Variants in PGS1 observed in about 807,000 individuals in gnomAD.
PGS1 encodes phosphatidylglycerophosphate synthase 1, also known as CDP-diacylglycerol--glycerol-3-phosphate 3-phosphatidyltransferase, mitochondrial.
In PGS1, 44 loss-of-function variants were observed where a neutral mutation model predicts 58.3. The observed-to-expected ratio is 0.75, with a 90% CI of 0.59 to 0.97. PGS1 has a LOEUF of 0.97. Among genes scored for constraint, PGS1 ranks in the 50% least tolerant of loss-of-function variants. The pLI, the probability that PGS1 is intolerant of heterozygous loss-of-function variation, is 0.00. For synonymous variants in PGS1, 330 were observed against 311.0 expected (o/e 1.06, Z -0.64); for missense variants, 684 against 731.1 (o/e 0.94, Z 0.74).
intron 1 of PGS1, among the ~76,000 whole-genome samples, chr17:78,379,014 A>G (rs4490057): frequency 0.43 from 64,695 of 151,908 alleles, 15,065 homozygotes; most frequent in Admixed American, 0.52. Context: ...CTCGTGCTCC[A>G]TTATCGGCCG....
At chr17:78,410,257 C>A (rs921026544) in intron 7 of PGS1, among the ~76,000 whole-genome samples, 2 of 151,852 alleles carry the variant, frequency 1.3e-5, no homozygotes, top group African/African-American at 4.8e-5. Flanking sequence ...GGTGAAACCC[C>A]GTCTCTACTA....
At position 78,403,907 on chromosome 17, in the gene PGS1, A is replaced by G. The variant is rs764621142; in HGVS notation, c.1220A>G (p.Gln407Arg). The part of the protein sequence containing the change: ...DLVLGTRAEY[Q>R]ILLASPEVNG... ...GTCTTGGGCACTCGGGCTGAGTACC[A>G]GATCCTGCTGGCCTCACCAGAGGTG... The change falls in exon 7 of 10, where the codon CAG becomes CGG. Residue 407 changes from glutamine (Q) to arginine (R), a missense_variant. By Grantham distance (43) the Gln-to-Arg change is conservative (BLOSUM62 1). Transcript: ENST00000262764. 63 of 1,614,064 alleles carry G rather than the reference A, an allele frequency of 3.9e-5. No homozygotes were observed. Among genetic ancestry groups the G allele is most frequent in the African/African-American group, 1.5e-4 (11 of 74,950 alleles).
At chr17:78,423,619 G>A in intron 9 of PGS1, 2 of 394,708 alleles carry the variant, frequency 5.1e-6, no homozygotes, top group South Asian at 3.5e-5. Context: ...GCCTCTGGCT[G>A]CTGGGAATTG....
intron 9 of PGS1, among the ~76,000 whole-genome samples, chr17:78,422,350 G>A (rs1339348205): frequency 2.6e-5 from 4 of 152,108 alleles, no homozygotes; most frequent in Admixed American, 2.0e-4. Context: ...CCTACTGGGC[G>A]CTAAGATTGT....
rs116446606 is a variant in PGS1 at position 78,423,887 on chromosome 17, G to C, written c.*11-174G>C. On this transcript the variant is annotated intron_variant, in intron 9 of 9. Coordinates refer to ENST00000262764, the MANE Select transcript of PGS1 (RefSeq NM_024419.5). The stretch of plus-strand genomic sequence containing the variant: ...TGTGGTCCAGCCCCAGGGAGTGTGG[G>C]CTGTGAGGCAGGAGCGAGCTAAACC... The C allele has an allele frequency of 6.0e-4, 967 of 1,613,258 alleles. 6 individuals are homozygous for C. In the African/African-American group the frequency reaches 0.011, roughly 19 times the overall value.
Position 78,400,659 on chromosome 17 carries a change from C to T in PGS1, c.702-18C>T, listed in dbSNP as rs1366453730. 1 of 1,612,538 alleles carries T rather than the reference C, an allele frequency of 6.2e-7. No homozygotes were observed. The highest frequency in any genetic ancestry group is 1.7e-5 in the Admixed American group (1 of 59,978). On this transcript the variant is annotated intron_variant, in intron 5 of 9. Coordinates refer to ENST00000262764, the MANE Select transcript of PGS1 (RefSeq NM_024419.5). This position sits in a 1 kb window ranked among gnomAD's most constrained non-coding sequence, Gnocchi z 4.4. ...CCCTTGCCTGAGTCCTCCTCACCTG[C>T]ATCTTCCCTCCCTGTAGTGCAAACC...
At chr17:78,410,859 A>G (rs2084622586) in intron 7 of PGS1, among the ~76,000 whole-genome samples, 1 of 152,104 alleles carries the variant, frequency 6.6e-6, no homozygotes, top group East Asian at 1.9e-4. Context: ...ACAGATATCT[A>G]ACAAATACCA....
chr17:78,406,222 G>A (rs1249645712), intron 7 of PGS1, among the ~76,000 whole-genome samples: 1 of 152,156 alleles, frequency 6.6e-6, no homozygotes, highest in Non-Finnish European at 1.5e-5. Context: ...GGAGGCTGAG[G>A]CAGGAGAATG....
chr17:78,405,534 G>A (rs182276387), intron 7 of PGS1, among the ~76,000 whole-genome samples: 52 of 152,282 alleles, frequency 3.4e-4, no homozygotes, highest in African/African-American at 1.2e-3. Context: ...GGCATCTGGC[G>A]GAGCAGCCGA....
intron 6 of PGS1, among the ~76,000 whole-genome samples, chr17:78,403,327 G>A (rs2083845053): frequency 6.6e-6 from 1 of 151,844 alleles, no homozygotes; most frequent in African/African-American, 2.4e-5. Flanking sequence ...ATGATACGTC[G>A]ACATGCCTTT....
At chr17:78,399,938 G>T (rs1037288747) in intron 5 of PGS1, 1 of 256,356 alleles carries the variant, frequency 3.9e-6, no homozygotes. Flanking sequence ...ATAAATATGG[G>T]CCCTTTCACA....
At chr17:78,423,869 C>G (rs1000797316) in intron 9 of PGS1, 192 bp from the exon 10 acceptor site, 2 of 1,609,258 alleles carry the variant, frequency 1.2e-6, no homozygotes, top group African/African-American at 2.7e-5. Context: ...AGTTGTGGTC[C>G]AGCCCCAGGG....
At position 78,404,034 on chromosome 17, in the gene PGS1, G is replaced by A. The variant is rs2083906262; in HGVS notation, c.1347G>A (p.Gln449=). Residue 449 remains glutamine, a synonymous_variant, in exon 7 of 10, where the codon CAG becomes CAA. Coordinates refer to ENST00000262764, the MANE Select transcript of PGS1 (RefSeq NM_024419.5). ...FFSEVCSLGQ[Q]ERVQLQEYWR... is the part of the protein sequence containing the mutation. ...GTGAGGTGTGCAGCCTGGGACAGCA[G>A]GAGCGGGTCCAGCTTCAGGAGTACT... The A allele has an allele frequency of 6.2e-7, 1 of 1,610,760 alleles. No individual in the cohort carries two copies. The highest frequency in any genetic ancestry group is 1.3e-5 in the African/African-American group (1 of 75,028).
At chr17:78,423,786 ATTAT>A (rs979108910) in intron 9 of PGS1, 22 of 1,331,672 alleles carry the variant, frequency 1.7e-5, no homozygotes, top group Non-Finnish European at 2.2e-5. Context: ...AAAGCACCTG[ATTAT>A]TTAAGAGAAC....
intron 6 of PGS1, among the ~76,000 whole-genome samples, chr17:78,402,879 G>A (rs1301511756): frequency 6.6e-6 from 1 of 152,098 alleles, no homozygotes; most frequent in Admixed American, 6.5e-5. Context: ...TCTGATAATA[G>A]CATCTTTCCC....
chr17:78,379,548 G>A (rs755450067), intron 1 of PGS1, among the ~76,000 whole-genome samples: 10 of 152,222 alleles, frequency 6.6e-5, no homozygotes, highest in Non-Finnish European at 1.0e-4. Flanking sequence ...ATTCTTGGCC[G>A]GGTGTGGTGG....
At position 78,390,733 on chromosome 17, in the gene PGS1, C is replaced by G. The variant is rs1287423121; in HGVS notation, c.144-1743C>G. On this transcript the variant is annotated intron_variant, in intron 1 of 9. Transcript: ENST00000262764. ...GGGCTCTGGGTGTGCGGTCCCTCCA[C>G]CCCCATCTCCCGCAGGTTTTTAGTC... 2.6e-5 allele frequency among the ~76,000 whole-genome samples: 4 copies of G among 152,178 alleles called. No individual in the cohort carries two copies. The East Asian group carries it at 7.7e-4, about 29-fold the overall frequency.
chr17:78,423,116 AAAAT>A (rs1424363817), intron 9 of PGS1, among the ~76,000 whole-genome samples: 1 of 147,700 alleles, frequency 6.8e-6, no homozygotes, highest in Non-Finnish European at 1.5e-5. Flanking sequence ...AAAAAAAAAA[AAAAT>A]GTTGATCCTG....
intron 1 of PGS1, among the ~76,000 whole-genome samples, chr17:78,380,459 A>G (rs1401851912): frequency 2.6e-5 from 4 of 152,212 alleles, no homozygotes; most frequent in South Asian, 2.1e-4. Flanking sequence ...TCAGGGCAGG[A>G]TGGCGCTCTT....
Sources: gnomAD v4.1 joint callset for allele counts (sites outside exome capture counted in the v4.1 genomes callset) on GRCh38, gnomAD v4.1.1 for gene constraint, Gnocchi (gnomAD v3.1) non-coding constraint, MANE v1.5 for transcripts, NCBI Gene and HGNC (gene_info 2026-07-23, HGNC 2026-07-21) for gene names.